CR1L: variants seen among roughly 807,000 people sequenced by gnomAD.
CR1L encodes complement C3b/C4b receptor 1 like, also known as complement component receptor 1-like protein.
A neutral mutation model predicts 62.3 loss-of-function variants in CR1L; 59 were observed. The ratio of observed to expected loss-of-function variants is 0.95; its 90% CI spans 0.77 to 1.18. The LOEUF is 1.18. Among genes scored for constraint, CR1L ranks in the 50% most tolerant of loss-of-function variants. The probability of loss-of-function intolerance (pLI) is 0.00; values close to 1 mark genes in which losing one functional copy is unlikely to be tolerated. For missense variants in CR1L, 700 were observed against 702.8 expected (o/e 1.00, Z 0.04); for synonymous variants, 279 against 248.7 (o/e 1.12, Z -1.15).
At chr1:207,660,368 T>A (rs1475262070) in intron 1 of CR1L, among the ~76,000 whole-genome samples, 1 of 152,222 alleles carries the variant, frequency 6.6e-6, no homozygotes, top group Non-Finnish European at 1.5e-5. Context: ...CAGCCTCCGC[T>A]GGTGATACCC....
intron 1 of CR1L, among the ~76,000 whole-genome samples, chr1:207,647,480 C>A (rs1663144825): frequency 6.6e-6 from 1 of 152,308 alleles, no homozygotes; most frequent in Admixed American, 6.5e-5. Flanking sequence ...TTAAAGTGAT[C>A]TTTTCTGTTC....
chr1:207,653,841 G>T (rs1439439335), intron 1 of CR1L, among the ~76,000 whole-genome samples: 1 of 152,152 alleles, frequency 6.6e-6, no homozygotes, highest in Admixed American at 6.5e-5. Context: ...ATAAAGAAAA[G>T]AATTTATTTG....
chr1:207,657,405 G>A (rs1558011027), intron 1 of CR1L: 1 of 638,708 alleles, frequency 1.6e-6, no homozygotes, highest in African/African-American at 1.8e-5. Context: ...TAAAGCAGGT[G>A]TATGTGCTTC....
At chr1:207,708,095 C>G in intron 9 of CR1L, 83 bp from the exon 10 acceptor site, 11 of 1,495,410 alleles carry the variant, frequency 7.4e-6, no homozygotes, top group Non-Finnish European at 1.0e-5. Context: ...ATATTGTAAT[C>G]CCTCTGGTTT....
chr1:207,671,778 G>A (rs1389704567), intron 1 of CR1L, among the ~76,000 whole-genome samples: 7 of 150,520 alleles, frequency 4.7e-5, no homozygotes, highest in Non-Finnish European at 1.0e-4. Context: ...AAAATTAGCT[G>A]GGCATGATGG....
At chr1:207,695,494 A>C (rs932174244) in intron 5 of CR1L, among the ~76,000 whole-genome samples, 1 of 152,162 alleles carries the variant, frequency 6.6e-6, no homozygotes, top group African/African-American at 2.4e-5. Flanking sequence ...ATTAACTTGC[A>C]GACTGAAGAC....
intron 4 of CR1L, among the ~76,000 whole-genome samples, chr1:207,687,341 T>C (rs1183610595): frequency 5.3e-5 from 8 of 152,226 alleles, no homozygotes; most frequent in Non-Finnish European, 5.9e-5. Context: ...ACAATTTTCT[T>C]GTACCATGTA....
At chr1:207,654,494 T>G (rs1663274972) in intron 1 of CR1L, among the ~76,000 whole-genome samples, 2 of 152,200 alleles carry the variant, frequency 1.3e-5, no homozygotes, top group Admixed American at 6.5e-5. Flanking sequence ...AATCATGTTA[T>G]TACACTAAGA....
chr1:207,693,281 C>A (rs1664023827), intron 4 of CR1L, among the ~76,000 whole-genome samples: 1 of 152,102 alleles, frequency 6.6e-6, no homozygotes, highest in Admixed American at 6.5e-5. Flanking sequence ...CTATTCCTGG[C>A]TAATTTTTGT....
chr1:207,710,963 T>C (rs1664348945), intron 10 of CR1L: 4 of 694,676 alleles, frequency 5.8e-6, no homozygotes, highest in African/African-American at 5.5e-5. Context: ...ATATGTGTCT[T>C]CATTTTGAAA....
At chr1:207,690,451 A>G (rs1425354109) in intron 4 of CR1L, among the ~76,000 whole-genome samples, 1 of 152,224 alleles carries the variant, frequency 6.6e-6, no homozygotes, top group Non-Finnish European at 1.5e-5. Context: ...AATATGGATG[A>G]TTTTGGTAAA....
chr1:207,693,025 TGTG>T (rs1410052352), intron 4 of CR1L, among the ~76,000 whole-genome samples: 2 of 152,224 alleles, frequency 1.3e-5, no homozygotes. Context: ...TTTTTCTAAT[TGTG>T]GTTCCTTTGA....
intron 1 of CR1L, among the ~76,000 whole-genome samples, chr1:207,671,210 C>G (rs1000817846): frequency 6.6e-6 from 1 of 150,776 alleles, no homozygotes; most frequent in Non-Finnish European, 1.5e-5. Flanking sequence ...TGGGGTAGTG[C>G]ATGTGACAGC....
intron 1 of CR1L, among the ~76,000 whole-genome samples, chr1:207,670,082 A>C (rs1418417139): frequency 6.6e-6 from 1 of 151,032 alleles, no homozygotes; most frequent in East Asian, 1.9e-4. Flanking sequence ...AGTATCTAAC[A>C]CAGGGCCTGT....
At chr1:207,701,797 C>G in intron 9 of CR1L, 179 bp downstream of exon 9, 7 of 935,544 alleles carry the variant, frequency 7.5e-6, no homozygotes, top group Non-Finnish European at 1.2e-5. Context: ...AAATCTGTGT[C>G]CTTGCTGGAA....
intron 10 of CR1L, chr1:207,715,341 A>C (rs773113271): frequency 1.3e-6 from 2 of 1,597,484 alleles, no homozygotes; most frequent in Admixed American, 1.7e-5. Flanking sequence ...TCTGCTAGTC[A>C]TTGTGTCTTG....
Position 207,645,335 on chromosome 1 carries a change from G to A in CR1L, c.97+5G>A. ...TGCTGCTGTCCTCCTTCTCCGGTAGGACCCCGGGGTGGATTCGCGCGTCCG... is the reference window on the plus strand; with the variant it reads ...TGCTGCTGTCCTCCTTCTCCGGTAGAACCCCGGGGTGGATTCGCGCGTCCG... On this transcript the variant is annotated splice_donor_5th_base_variant and intron_variant, in intron 1 of 11. Coordinates refer to ENST00000508064, the MANE Select transcript of CR1L (RefSeq NM_175710.2). The A allele has an allele frequency of 1.2e-6, 2 of 1,614,024 alleles. No homozygotes were observed. The highest frequency in any genetic ancestry group is 1.7e-6 in the Non-Finnish European group (2 of 1,179,958).
At chr1:207,687,112 G>A (rs575507795) in intron 4 of CR1L, among the ~76,000 whole-genome samples, 3 of 152,194 alleles carry the variant, frequency 2.0e-5, no homozygotes, top group Non-Finnish European at 4.4e-5. Context: ...CTGTTTTAGA[G>A]ATTAGACTGT....
intron 5 of CR1L, among the ~76,000 whole-genome samples, 155 bp from the exon 6 acceptor site, chr1:207,697,348 G>A (rs1322023578): frequency 2.6e-5 from 4 of 152,154 alleles, no homozygotes; most frequent in South Asian, 2.1e-4. Flanking sequence ...CATCTTCCTC[G>A]CCCTGTGTAT....
Sources: allele counts gnomAD v4.1 joint callset (sites outside exome capture counted in the v4.1 genomes callset), GRCh38; gene constraint gnomAD v4.1.1; transcripts MANE v1.5; gene names NCBI Gene and HGNC (gene_info 2026-07-23, HGNC 2026-07-21).